ZNF385D: variants seen among roughly 807,000 people sequenced by gnomAD.
ZNF385D encodes the protein zinc finger protein 385D, also known as zinc finger protein 659.
Under a neutral mutation model 35.8 loss-of-function variants are expected in ZNF385D, and 15 were observed. The observed-to-expected ratio is 0.42, with a 90% CI of 0.28 to 0.64. The LOEUF (loss-of-function observed/expected upper bound fraction) is 0.64, where lower values mean the gene tolerates loss of function less well. ZNF385D is among the 30% of genes least tolerant of loss of function. The pLI, the probability that ZNF385D is intolerant of heterozygous loss-of-function variation, is 0.23. For missense variants in ZNF385D, 474 were observed against 494.6 expected, an observed-to-expected ratio of 0.96 and a Z score of 0.39; for synonymous variants, 212 against 186.8, an observed-to-expected ratio of 1.13 and a Z score of -1.10.
chr3:22,332,004 G>A (rs989492747), intron 2 of ZNF385D, among the ~76,000 whole-genome samples: 1 of 152,026 alleles, frequency 6.6e-6, no homozygotes, highest in African/African-American at 2.4e-5. Context: ...AAGTAATATA[G>A]AAGAATAGTA....
chr3:21,576,830 C>G (rs1412950531), intron 2 of ZNF385D, among the ~76,000 whole-genome samples: 1 of 152,108 alleles, frequency 6.6e-6, no homozygotes, highest in East Asian at 1.9e-4. Flanking sequence ...AATGAGCTTT[C>G]TTTTTCTGTA....
At chr3:22,045,150 T>G (rs1030500777) in intron 3 of ZNF385D, among the ~76,000 whole-genome samples, 9 of 152,056 alleles carry the variant, frequency 5.9e-5, no homozygotes, top group Non-Finnish European at 7.3e-5. Context: ...CCTGTGCCTT[T>G]TGGGTCATAT....
At chr3:21,689,282 C>G (rs990674369) in intron 1 of ZNF385D, among the ~76,000 whole-genome samples, 1 of 152,062 alleles carries the variant, frequency 6.6e-6, no homozygotes, top group African/African-American at 2.4e-5. Flanking sequence ...CCTTGTGCAT[C>G]ACCAGCTTTA....
intron 2 of ZNF385D, among the ~76,000 whole-genome samples, chr3:22,286,852 G>T (rs1230070358): frequency 6.6e-6 from 1 of 152,038 alleles, no homozygotes; most frequent in East Asian, 1.9e-4. Context: ...GTATTATTTT[G>T]TTGTTGGGTG....
chr3:22,201,109 A>G (rs1359391807), intron 2 of ZNF385D, among the ~76,000 whole-genome samples: 1 of 152,160 alleles, frequency 6.6e-6, no homozygotes, highest in East Asian at 1.9e-4. Context: ...TGATTGGGGA[A>G]GTGATAAGTG....
At chr3:22,127,540 A>C (rs538076317) in intron 3 of ZNF385D, among the ~76,000 whole-genome samples, 1 of 151,626 alleles carries the variant, frequency 6.6e-6, no homozygotes, top group South Asian at 2.1e-4. Flanking sequence ...GGGTTTCACC[A>C]TGTTGTCCAG....
At chr3:22,353,906 A>C (rs1046775793) in intron 2 of ZNF385D, among the ~76,000 whole-genome samples, 1 of 151,858 alleles carries the variant, frequency 6.6e-6, no homozygotes, top group African/African-American at 2.4e-5. Flanking sequence ...ATCATTGTTG[A>C]TCTCCCTCCT....
chr3:21,765,060 C>CT (rs2070768712), intron 3 of ZNF385D, among the ~76,000 whole-genome samples: 1 of 152,042 alleles, frequency 6.6e-6, no homozygotes, highest in Non-Finnish European at 1.5e-5. Context: ...GAAATGTTTT[C>CT]TTTTTTCTCT....
intron 3 of ZNF385D, among the ~76,000 whole-genome samples, chr3:22,037,174 G>C (rs1020485919): frequency 2.0e-5 from 3 of 151,520 alleles, no homozygotes; most frequent in African/African-American, 4.9e-5. Context: ...ATAAACATAC[G>C]TGTGCATGTG....
intron 2 of ZNF385D, among the ~76,000 whole-genome samples, chr3:21,600,076 C>T (rs2064237582): frequency 1.3e-5 from 2 of 152,166 alleles, no homozygotes; most frequent in South Asian, 2.1e-4. Flanking sequence ...AGTGCCATAA[C>T]GGTTTACAAA....
chr3:22,013,905 G>C (rs1353599712), intron 3 of ZNF385D, among the ~76,000 whole-genome samples: 1 of 151,890 alleles, frequency 6.6e-6, no homozygotes, highest in African/African-American at 2.4e-5. Context: ...TAAGTACAAA[G>C]CTCTTCAAGA....
intron 2 of ZNF385D, among the ~76,000 whole-genome samples, chr3:22,306,501 A>C (rs1366666992): frequency 6.6e-6 from 1 of 152,136 alleles, no homozygotes; most frequent in Admixed American, 6.6e-5. Context: ...TAGAGAAAGA[A>C]CTATGGCTCC....
intron 3 of ZNF385D, among the ~76,000 whole-genome samples, chr3:22,044,388 C>G (rs184847324): frequency 2.9e-4 from 44 of 152,214 alleles, no homozygotes; most frequent in Non-Finnish European, 4.9e-4. Flanking sequence ...TGGCCTAGAT[C>G]TGAGCACCCT....
At chr3:21,837,123 A>C (rs1379347967) in intron 3 of ZNF385D, among the ~76,000 whole-genome samples, 42 of 152,300 alleles carry the variant, frequency 2.8e-4, no homozygotes, top group Non-Finnish European at 2.9e-5. Context: ...AAACAAAGCT[A>C]AGTGAAATTT....
chr3:21,467,699 T>C lies in ZNF385D; in HGVS notation c.440-30496A>G, dbSNP rs181809152. The stretch of plus-strand genomic sequence containing the variant: ...AACCCATGCTTCCCCTCAGTGACCA[T>C]GTGCGGTTCATTTGGGTGCCATATC... On this transcript the variant is annotated intron_variant, in intron 4 of 7. Coordinates refer to ENST00000281523, the MANE Select transcript of ZNF385D (RefSeq NM_024697.3). Among the ~76,000 whole-genome samples, 29 of 152,304 alleles carry C rather than the reference T, an allele frequency of 1.9e-4. 1 individual carries two copies. Among genetic ancestry groups the C allele is most frequent in the East Asian group, 3.9e-4 (2 of 5,178 alleles).
chr3:21,869,473 T>C (rs754896097), intron 3 of ZNF385D, among the ~76,000 whole-genome samples: 10 of 152,136 alleles, frequency 6.6e-5, no homozygotes, highest in South Asian at 2.1e-4. Flanking sequence ...GAGAGTAACC[T>C]TGATACTGTC....
At chr3:22,238,444 T>C (rs1699310734) in intron 2 of ZNF385D, among the ~76,000 whole-genome samples, 1 of 151,060 alleles carries the variant, frequency 6.6e-6, no homozygotes, top group African/African-American at 2.4e-5. Context: ...AGTCTACAAA[T>C]ATGAAATGCC....
Position 22,093,633 on chromosome 3 carries a change from T to C in ZNF385D, c.325+75184A>G, listed in dbSNP as rs145254764. Among the ~76,000 whole-genome samples, 308 of 152,224 alleles carry C rather than the reference T, an allele frequency of 2.0e-3. 1 individual carries two copies. Among genetic ancestry groups the C allele is most frequent in the Non-Finnish European group, 1.9e-3 (128 of 67,994 alleles). On this transcript the variant is annotated intron_variant, in intron 3 of 5. Coordinates refer to the ZNF385D transcript ENST00000494108. ...AACCTACTATAAAAAATAAGAAAGATTGTGATCACTCACCTCTGTCTTCCC... is the reference window on the plus strand; with the variant it reads ...AACCTACTATAAAAAATAAGAAAGACTGTGATCACTCACCTCTGTCTTCCC...
intron 3 of ZNF385D, among the ~76,000 whole-genome samples, chr3:22,082,319 G>C (rs1700794894): frequency 6.6e-6 from 1 of 152,124 alleles, no homozygotes; most frequent in Admixed American, 6.5e-5. Context: ...ATGACAGACA[G>C]TACCTGGAAA....
Sources: gnomAD v4.1 joint callset for allele counts (sites outside exome capture counted in the v4.1 genomes callset) on GRCh38, gnomAD v4.1.1 for gene constraint, MANE v1.5 for transcripts, NCBI Gene and HGNC (gene_info 2026-07-23, HGNC 2026-07-21) for gene names.